ARHGEF17: variants seen among roughly 807,000 people sequenced by gnomAD.
The protein encoded by ARHGEF17 is Rho guanine nucleotide exchange factor 17, also known as 164 kDa Rho-specific guanine-nucleotide exchange factor.
Under a neutral mutation model 174.0 loss-of-function variants are expected in ARHGEF17, and 80 were observed. That is an observed-to-expected ratio of 0.46 (90% confidence interval 0.38 to 0.55). The LOEUF is 0.55. ARHGEF17 is among the 20% of genes least tolerant of loss of function. The pLI is 0.00. For missense variants in ARHGEF17, 2,886 were observed against 2,839.7 expected (o/e 1.02, Z -0.37); for synonymous variants, 1,311 against 1,189.1 (o/e 1.10, Z -2.11).
At chr11:73,366,923 C>G (rs1223318349) in intron 20 of ARHGEF17, among the ~76,000 whole-genome samples, 1 of 152,050 alleles carries the variant, frequency 6.6e-6, no homozygotes, top group East Asian at 1.9e-4. Flanking sequence ...GCCTGTAATC[C>G]CAGCTACTCG....
At chr11:73,356,913 G>A (rs1865651849) in intron 7 of ARHGEF17, 112 bp from the exon 8 acceptor site, 1 of 1,487,460 alleles carries the variant, frequency 6.7e-7, no homozygotes, top group African/African-American at 1.4e-5. Flanking sequence ...TGGGAAGCTG[G>A]GGAAGAGCCC....
intron 1 of ARHGEF17, among the ~76,000 whole-genome samples, chr11:73,320,235 C>T (rs911915054): frequency 4.6e-5 from 7 of 152,062 alleles, no homozygotes; most frequent in African/African-American, 1.7e-4. Flanking sequence ...AATGCTGTCT[C>T]CCCGCACGCT....
chr11:73,309,704 C>CA lies in ARHGEF17; in HGVS notation c.1067dup (p.Glu357GlyfsTer8). The CA allele has an allele frequency of 6.2e-7, 1 of 1,613,018 alleles. No individual in the cohort carries two copies. The highest frequency in any genetic ancestry group is 8.5e-7 in the Non-Finnish European group (1 of 1,179,966). ...CTCTCCGCCCTGCGTCCCAGGTCCC[C>CA]AGGAGGGACTTCGGCCTATGTCTGA... On this transcript the variant is annotated frameshift_variant, in exon 1 of 21. Transcript: ENST00000263674. LOFTEE classifies it high-confidence loss of function.
chr11:73,332,389 G>A (rs947466233), intron 1 of ARHGEF17, among the ~76,000 whole-genome samples: 275 of 134,452 alleles, frequency 2.0e-3, no homozygotes, highest in Non-Finnish European at 2.9e-3. Context: ...GTGTGTGTGT[G>A]TGTGTGTGTG....
At chr11:73,328,838 T>A (rs1017321001) in intron 1 of ARHGEF17, among the ~76,000 whole-genome samples, 1 of 151,844 alleles carries the variant, frequency 6.6e-6, no homozygotes. Flanking sequence ...ATCAGGCCTG[T>A]GTCACCAGGG....
chr11:73,330,803 C>G (rs1183224411), intron 1 of ARHGEF17, among the ~76,000 whole-genome samples: 1 of 152,224 alleles, frequency 6.6e-6, no homozygotes, highest in African/African-American at 2.4e-5. Context: ...AGCTAGCGCC[C>G]ACTCAGGCTT....
chr11:73,333,380 G>GCA (rs1189659150), intron 1 of ARHGEF17, among the ~76,000 whole-genome samples: 14 of 152,200 alleles, frequency 9.2e-5, no homozygotes, highest in African/African-American at 2.9e-4. Flanking sequence ...ACGCGCGCGC[G>GCA]CACTCACACG....
At chr11:73,352,387 GT>G (rs921242239) in intron 2 of ARHGEF17, among the ~76,000 whole-genome samples, 7 of 152,138 alleles carry the variant, frequency 4.6e-5, no homozygotes, top group Admixed American at 3.9e-4. Context: ...CCGTTTGTGT[GT>G]TTCATCAGAC....
At chr11:73,366,821 C>T (rs1479121273) in intron 20 of ARHGEF17, among the ~76,000 whole-genome samples, 2 of 152,042 alleles carry the variant, frequency 1.3e-5, no homozygotes, top group African/African-American at 4.8e-5. Flanking sequence ...GGGTGGATCA[C>T]CTGAGGTCAG....
At chr11:73,313,025 G>T (rs914292637) in intron 1 of ARHGEF17, among the ~76,000 whole-genome samples, 2 of 152,106 alleles carry the variant, frequency 1.3e-5, no homozygotes, top group African/African-American at 4.8e-5. Flanking sequence ...TGTGGCCTGC[G>T]CTCCCACTGC....
In ARHGEF17 at chr11:73,308,846, G is replaced by A. The variant is rs557829737; in HGVS notation, c.208G>A (p.Ala70Thr). ...KLASGPLAAP[A>T]QPRPLRSLSP... is the part of the protein sequence containing the mutation. ...GGCGTCTGGGCCCCTGGCCGCCCCCGCGCAGCCGCGCCCGCTCCGCAGCCT... is the reference window on the plus strand; with the variant it reads ...GGCGTCTGGGCCCCTGGCCGCCCCCACGCAGCCGCGCCCGCTCCGCAGCCT... Residue 70 changes from alanine (A) to threonine (T), a missense_variant, in exon 1 of 21, where the codon GCG (alanine) becomes ACG (threonine). Physicochemically the swap from Ala to Thr is moderately conservative, Grantham distance 58 (BLOSUM62 0). This residue lies in a region of ARHGEF17 where 1,728 missense variants were observed against 1,461.2 expected (regional missense o/e 1.18). Coordinates refer to ENST00000263674, the MANE Select transcript of ARHGEF17 (RefSeq NM_014786.4). 6 of 1,323,822 alleles carry A rather than the reference G, an allele frequency of 4.5e-6. No individual in the cohort carries two copies. In the South Asian group the frequency reaches 1.2e-4, roughly 26 times the overall value. The allele number at this position is 1,323,822 out of a possible 1,614,324, so 82.0% of individuals were successfully genotyped here.
chr11:73,355,934 G>A lies in ARHGEF17; in HGVS notation c.3644G>A (p.Arg1215His), dbSNP rs762157933. 9.9e-6 allele frequency: 16 copies of A among 1,614,048 alleles called. No individual in the cohort carries two copies. In the African/African-American group the frequency reaches 1.2e-4, roughly 12 times the overall value. ...LMIKPVQRIP[R>H]YELLVKDLLK... ...ATCAAGCCTGTGCAGCGGATCCCAC[G>A]CTACGAGCTTCTGGTGAAGGTGGGC... Residue 1215 changes from arginine to histidine, a missense_variant, in exon 5 of 21, where the codon CGC (arginine) becomes CAC (histidine). Arg to His is a conservative substitution (Grantham distance 29, BLOSUM62 0). This residue lies in a region of ARHGEF17 where 353 missense variants were observed against 470.3 expected (regional missense o/e 0.75). Coordinates refer to ENST00000263674, the MANE Select transcript of ARHGEF17 (RefSeq NM_014786.4).
rs1190258581 is a variant in ARHGEF17, at chr11:73,311,342, A to C, written c.2704A>C (p.Asn902His). The C allele has an allele frequency of 6.2e-7, 1 of 1,613,202 alleles. No homozygotes were observed. The highest frequency in any genetic ancestry group is 2.2e-5 in the East Asian group (1 of 44,888). The stretch of plus-strand genomic sequence containing the variant: ...GCCTCCCCCTGCCACTGCCCACCGA[A>C]ACTTTCACCTTGACCCCAAGCTGGC... ...ALPPPATAHR[N>H]FHLDPKLADI... The change falls in exon 1 of 21, where the codon AAC (asparagine) becomes CAC (histidine). Residue 902 changes from asparagine (N) to histidine (H), a missense_variant. Around this residue, in one of 4 missense-constraint regions of ARHGEF17, gnomAD observed 1,728 missense variants for 1,461.2 expected, o/e 1.18. Transcript: ENST00000263674.
intron 18 of ARHGEF17, chr11:73,364,939 G>GCACATGTCACTTGCA: frequency 3.1e-6 from 1 of 320,646 alleles, no homozygotes; most frequent in Non-Finnish European, 5.7e-6. Context: ...ATTTATTGCT[G>GCACATGTCACTTGCA]CACATGTCAC....
intron 2 of ARHGEF17, among the ~76,000 whole-genome samples, chr11:73,352,381 TTG>T (rs1218642382): frequency 6.6e-6 from 1 of 152,114 alleles, no homozygotes; most frequent in Admixed American, 6.5e-5. Flanking sequence ...TTTCTTCCGT[TTG>T]TGTGTTTCAT....
intron 1 of ARHGEF17, among the ~76,000 whole-genome samples, chr11:73,321,381 T>C (rs544521367): frequency 6.6e-5 from 10 of 152,226 alleles, no homozygotes; most frequent in Non-Finnish European, 1.3e-4. Context: ...TGCCCCTCAC[T>C]GGAAGCGGCC....
chr11:73,360,965 C>T (rs1316059868), intron 11 of ARHGEF17, 123 bp from the exon 12 acceptor site: 2 of 739,076 alleles, frequency 2.7e-6, no homozygotes, highest in Non-Finnish European at 4.5e-6. Flanking sequence ...TGGCTGGGAT[C>T]AGGCCTTCCC....
rs1824290087 is a variant in ARHGEF17, at chr11:73,367,891, G to A, written c.*111G>A. On this transcript the variant is annotated 3_prime_UTR_variant, in exon 21 of 21. Coordinates refer to ENST00000263674, the MANE Select transcript of ARHGEF17 (RefSeq NM_014786.4). ...GGAGTATCCAGCCAGGGGCACACATGTGCCTGCGTGGGCTCTGCCTTGTCT... is the reference window on the plus strand; with the variant it reads ...GGAGTATCCAGCCAGGGGCACACATATGCCTGCGTGGGCTCTGCCTTGTCT... 1.7e-6 allele frequency: 2 copies of A among 1,165,156 alleles called. No individual in the cohort carries two copies. The highest frequency in any genetic ancestry group is 4.9e-5 in the Admixed American group (2 of 41,134). 72.2% of individuals were successfully genotyped at this position (1,165,156 alleles called of 1,614,324 possible).
At position 73,308,616 on chromosome 11, in the gene ARHGEF17, C is replaced by A. The variant is rs1864732127; in HGVS notation, c.-23C>A. 6.9e-7 allele frequency: 1 copy of A among 1,442,674 alleles called. No individual in the cohort carries two copies. Among genetic ancestry groups the A allele is most frequent in the Non-Finnish European group, 9.1e-7 (1 of 1,101,820 alleles). The allele number at this position is 1,442,674 out of a possible 1,614,324, so 89.4% of individuals were successfully genotyped here. ...TGGCCGCGGCTGCCCGAGGCCAGCC[C>A]CCCCGGAGTGAGTTACGCCACTATG... On this transcript the variant is annotated 5_prime_UTR_variant, in exon 1 of 21. Transcript: ENST00000263674.
Sources: gnomAD v4.1 joint callset for allele counts (sites outside exome capture counted in the v4.1 genomes callset) on GRCh38, gnomAD v4.1.1 for gene constraint, gnomAD v4.1.1 regional missense constraint, MANE v1.5 for transcripts, NCBI Gene and HGNC (gene_info 2026-07-23, HGNC 2026-07-21) for gene names.